Variants in SULT2B1 observed in about 807,000 individuals in gnomAD.
SULT2B1 encodes sulfotransferase family 2B member 1, also known as sulfotransferase 2B1.
SULT2B1 carries 16 observed loss-of-function variants against 33.2 expected under a neutral mutation model. The observed-to-expected ratio is 0.48, with a 90% CI of 0.33 to 0.73. The LOEUF (loss-of-function observed/expected upper bound fraction) is 0.73, where lower values mean the gene tolerates loss of function less well. SULT2B1 is among the 30% of genes least tolerant of loss of function. The pLI, the probability that SULT2B1 is intolerant of heterozygous loss-of-function variation, is 0.02. For synonymous variants in SULT2B1, 186 were observed against 200.5 expected (o/e 0.93, Z 0.61); for missense variants, 500 against 506.0 (o/e 0.99, Z 0.11).
chr19:48,559,432 G>T (rs1301026250), intron 1 of SULT2B1, among the ~76,000 whole-genome samples: 1 of 151,992 alleles, frequency 6.6e-6, no homozygotes, highest in Non-Finnish European at 1.5e-5. Flanking sequence ...GAGCAGTGGC[G>T]TGATTTTAGC....
At chr19:48,569,989 G>A (rs138242069) in intron 1 of SULT2B1, among the ~76,000 whole-genome samples, 98 of 152,176 alleles carry the variant, frequency 6.4e-4, no homozygotes, top group Non-Finnish European at 1.2e-3. Context: ...TGCAAAGTCC[G>A]TTTGGCCATT....
chr19:48,556,385 C>A (rs1486472499), intron 1 of SULT2B1, among the ~76,000 whole-genome samples: 2 of 152,082 alleles, frequency 1.3e-5, no homozygotes, highest in Non-Finnish European at 2.9e-5. Flanking sequence ...CATTAAGCAA[C>A]CTCTGAGCCG....
intron 1 of SULT2B1, among the ~76,000 whole-genome samples, chr19:48,573,537 C>T (rs1297068230): frequency 6.6e-6 from 1 of 152,056 alleles, no homozygotes; most frequent in Non-Finnish European, 1.5e-5. Context: ...ACAGGGGGGT[C>T]CTGGCTCTGC....
chr19:48,562,789 C>T (rs1338964169), intron 1 of SULT2B1, among the ~76,000 whole-genome samples: 1 of 151,994 alleles, frequency 6.6e-6, no homozygotes, highest in Non-Finnish European at 1.5e-5. Context: ...AGGCAATTCT[C>T]TTGCCTCAGC....
chr19:48,558,644 G>A (rs988203917), intron 1 of SULT2B1, among the ~76,000 whole-genome samples: 5 of 151,050 alleles, frequency 3.3e-5, no homozygotes, highest in Non-Finnish European at 7.4e-5. Flanking sequence ...AGCCCTGCCA[G>A]TCATGAGGCT....
intron 2 of SULT2B1, among the ~76,000 whole-genome samples, chr19:48,581,116 A>G (rs753938002): frequency 4.2e-5 from 5 of 118,736 alleles, no homozygotes; most frequent in Non-Finnish European, 8.0e-5. Context: ...AGCTCACTGT[A>G]ACCTCCACCT....
At chr19:48,598,609 G>A (rs1268372199) in intron 6 of SULT2B1, among the ~76,000 whole-genome samples, 2 of 152,022 alleles carry the variant, frequency 1.3e-5, no homozygotes, top group African/African-American at 4.8e-5. Context: ...GGAAAACTGA[G>A]GCTTGGAGGG....
At chr19:48,574,631 C>T (rs760614177) in intron 1 of SULT2B1, among the ~76,000 whole-genome samples, 1 of 152,134 alleles carries the variant, frequency 6.6e-6, no homozygotes, top group Non-Finnish European at 1.5e-5. Flanking sequence ...TATATTATCC[C>T]GTTGAATCCC....
At chr19:48,593,791 C>A (rs56812657) in intron 5 of SULT2B1, among the ~76,000 whole-genome samples, 1 of 149,796 alleles carries the variant, frequency 6.7e-6, no homozygotes, top group African/African-American at 2.4e-5. Context: ...TGCGCCACCA[C>A]GCCCGGCTAA....
chr19:48,575,978 G>C lies in SULT2B1; in HGVS notation c.109G>C (p.Val37Leu), dbSNP rs113212465. 1.2e-6 allele frequency: 2 copies of C among 1,613,780 alleles called. No individual in the cohort carries two copies. Among genetic ancestry groups the C allele is most frequent in the Non-Finnish European group, 1.7e-6 (2 of 1,179,836 alleles). The change falls in exon 2 of 7, where the codon GTC becomes CTC. Residue 37 changes from valine to leucine, a missense_variant. Physicochemically the swap from Val to Leu is conservative, Grantham distance 32. Transcript: ENST00000201586. The part of the protein sequence containing the change: ...LPGEYFRYKG[V>L]PFPVGLYSLE... ...AGGTGAATACTTCCGGTACAAGGGC[G>C]TCCCCTTCCCCGTCGGCCTGTACTC... is the stretch of plus-strand genomic sequence containing the variant.
In SULT2B1 at chr19:48,587,255, T is replaced by G. The variant is rs1973575182; in HGVS notation, c.241T>G (p.Cys81Gly). The G allele has an allele frequency of 1.2e-6, 2 of 1,613,156 alleles. No homozygotes were observed. The highest frequency in any genetic ancestry group is 1.7e-6 in the Non-Finnish European group (2 of 1,179,518). Residue 81 changes from cysteine (C) to glycine (G), a missense_variant, in exon 3 of 7, where the codon TGC (cysteine) becomes GGC (glycine). Transcript: ENST00000201586. Reference protein sequence around the residue: ...SGTTWMIEIICLILKEGDPSW... With the variant: ...SGTTWMIEIIGLILKEGDPSW... ...CACGACCTGGATGATCGAGATCATC[T>G]GCTTAATCCTGAAGGAAGGGGATCC...
chr19:48,594,009 A>G (rs1973678797), intron 5 of SULT2B1, among the ~76,000 whole-genome samples: 1 of 151,938 alleles, frequency 6.6e-6, no homozygotes, highest in Non-Finnish European at 1.5e-5. Flanking sequence ...CTGTAATCCC[A>G]ACACTTTGGG....
chr19:48,599,114 CT>C lies in SULT2B1; in HGVS notation c.827-20del, dbSNP rs771319082. On this transcript the variant is annotated intron_variant, in intron 6 of 6. Coordinates refer to ENST00000201586, the MANE Select transcript of SULT2B1 (RefSeq NM_177973.2). This position sits in a 1 kb window ranked among gnomAD's most constrained non-coding sequence, Gnocchi z 4.1. ...GTGCTCCCCAGAGGCTCCTCACCCC[CT>C]GGTGCCCCCTCTTCTCCAGGGGTCT... 2.6e-6 allele frequency: 4 copies of C among 1,555,988 alleles called. No individual in the cohort carries two copies. The highest frequency in any genetic ancestry group is 1.4e-5 in the African/African-American group (1 of 73,494).
chr19:48,588,285 G>A (rs1319733980), intron 3 of SULT2B1, among the ~76,000 whole-genome samples: 5 of 151,716 alleles, frequency 3.3e-5, no homozygotes, highest in Non-Finnish European at 7.4e-5. Context: ...AGCCAAGGTG[G>A]GCAGATCACC....
intron 5 of SULT2B1, among the ~76,000 whole-genome samples, chr19:48,594,604 G>A (rs918542876): frequency 2.0e-5 from 3 of 152,184 alleles, no homozygotes; most frequent in South Asian, 4.1e-4. Context: ...TCTGGGACAC[G>A]TCAGTGGTTC....
chr19:48,591,922 G>T (rs1253075656), intron 4 of SULT2B1, among the ~76,000 whole-genome samples, 187 bp downstream of exon 4: 1 of 152,030 alleles, frequency 6.6e-6, no homozygotes, highest in Non-Finnish European at 1.5e-5. Flanking sequence ...GAGACCGAAA[G>T]ACACAGGACA....
At chr19:48,557,079 G>A (rs370658026) in intron 1 of SULT2B1, among the ~76,000 whole-genome samples, 244 of 151,992 alleles carry the variant, frequency 1.6e-3, no homozygotes, top group African/African-American at 3.7e-3. Context: ...GCAAGACCCC[G>A]TCTCTAAAAA....
At chr19:48,598,921 A>AG (rs1162473405) in intron 6 of SULT2B1, among the ~76,000 whole-genome samples, 1 of 152,076 alleles carries the variant, frequency 6.6e-6, no homozygotes, top group Non-Finnish European at 1.5e-5. Flanking sequence ...AGAGGCAGTG[A>AG]GGGCGGAGGT....
chr19:48,573,527 AC>A (rs1423539767), intron 1 of SULT2B1, among the ~76,000 whole-genome samples: 9 of 151,874 alleles, frequency 5.9e-5, no homozygotes, highest in Non-Finnish European at 4.4e-5. Flanking sequence ...TGGGTGGGGG[AC>A]AGGGGGGTCC....
Sources: gnomAD v4.1 joint callset for allele counts (sites outside exome capture counted in the v4.1 genomes callset) on GRCh38, gnomAD v4.1.1 for gene constraint, Gnocchi (gnomAD v3.1) non-coding constraint, MANE v1.5 for transcripts, NCBI Gene and HGNC (gene_info 2026-07-23, HGNC 2026-07-21) for gene names.